Variants in LRPAP1 observed in about 807,000 individuals in gnomAD.
The protein encoded by LRPAP1 is LDL receptor related protein associated protein 1, also known as alpha-2-macroglobulin receptor-associated protein.
Under a neutral mutation model 39.9 loss-of-function variants are expected in LRPAP1, and 41 were observed. That is an observed-to-expected ratio of 1.03 (90% CI 0.80 to 1.33). The LOEUF (loss-of-function observed/expected upper bound fraction) is 1.33, where lower values mean the gene tolerates loss of function less well. Ranked by LOEUF, LRPAP1 falls within the 40% of genes most tolerant of loss-of-function variation. The pLI is 0.00. For synonymous variants in LRPAP1, 263 were observed against 212.7 expected, an observed-to-expected ratio of 1.24 and a Z score of -2.06; for missense variants, 565 against 482.3, an observed-to-expected ratio of 1.17 and a Z score of -1.61.
chr4:3,530,396 T>C (rs1730212771), intron 1 of LRPAP1, among the ~76,000 whole-genome samples: 1 of 152,192 alleles, frequency 6.6e-6, no homozygotes, highest in Non-Finnish European at 1.5e-5. Context: ...CCAGGCTCTC[T>C]GGAATGGGGG....
At chr4:3,529,231 G>A (rs1472667931) in intron 1 of LRPAP1, among the ~76,000 whole-genome samples, 1 of 152,080 alleles carries the variant, frequency 6.6e-6, no homozygotes, top group Admixed American at 6.5e-5. Flanking sequence ...GCTGAGGCAC[G>A]AGAATCGCTT....
Position 3,514,916 on chromosome 4 carries a change from G to T in LRPAP1, c.847C>A (p.His283Asn). The T allele has an allele frequency of 6.2e-7, 1 of 1,613,688 alleles. No homozygotes were observed. Among genetic ancestry groups the T allele is most frequent in the Non-Finnish European group, 8.5e-7 (1 of 1,179,842 alleles). Residue 283 changes from histidine (H) to asparagine (N), a missense_variant, in exon 7 of 8, where the codon CAC becomes AAC. Physicochemically the swap from His to Asn is moderately conservative, Grantham distance 68 (BLOSUM62 1). Coordinates refer to ENST00000650182, the MANE Select transcript of LRPAP1 (RefSeq NM_002337.4). Reference protein sequence around the residue: ...ELEAFREELKHFEAKIEKHNH... With the variant: ...ELEAFREELKNFEAKIEKHNH... ...TGCTTCTCGATTTTGGCTTCGAAGT[G>T]CTTGAGCTCCTCCTGGAACAAGGTT...
In LRPAP1 at chr4:3,507,477, T is replaced by C. The variant is rs1025166735; in HGVS notation, c.*5497A>G. 18 of 80,536 alleles carry C rather than the reference T, an allele frequency of 2.2e-4. No homozygotes were observed. The highest frequency in any genetic ancestry group is 6.9e-4 in the African/African-American group (17 of 24,678). 5.0% of individuals were successfully genotyped at this position (80,536 alleles called of 1,614,324 possible). A position where few individuals can be genotyped will look rare whatever the true frequency, so the allele number is the denominator to read the frequency against. On this transcript the variant is annotated 3_prime_UTR_variant, in exon 8 of 8. Transcript: ENST00000650182. ...TTGTATTATTTACCTACATATCATA[T>C]ATTTATACATTATCATCTGCGAATT... is the stretch of plus-strand genomic sequence containing the variant.
At chr4:3,522,327 C>T (rs1378079097) in intron 2 of LRPAP1, among the ~76,000 whole-genome samples, 1 of 152,262 alleles carries the variant, frequency 6.6e-6, no homozygotes, top group Non-Finnish European at 1.5e-5. Flanking sequence ...CTGGTCAGAC[C>T]CCATCAAAAG....
rs1025135513 is a variant in LRPAP1 at position 3,507,260 on chromosome 4, T to C, written c.*5714A>G. On this transcript the variant is annotated 3_prime_UTR_variant, in exon 8 of 8. Coordinates refer to ENST00000650182, the MANE Select transcript of LRPAP1 (RefSeq NM_002337.4). The stretch of plus-strand genomic sequence containing the variant: ...GATTTCCAAGACCCAGTTTTTTAAA[T>C]AGGCAAAAGAATTAAGTAGGCCCTT... 84 of 152,168 alleles carry C rather than the reference T, an allele frequency of 5.5e-4. No homozygotes were observed. Among genetic ancestry groups the C allele is most frequent in the African/African-American group, 1.9e-3 (78 of 41,514 alleles). The allele number at this position is 152,168 out of a possible 1,614,324, so 9.4% of individuals were successfully genotyped here. A position where few individuals can be genotyped will look rare whatever the true frequency, so the allele number is the denominator to read the frequency against.
At chr4:3,515,759 G>A (rs1729672233) in intron 6 of LRPAP1, 1 of 285,718 alleles carries the variant, frequency 3.5e-6, no homozygotes, top group Non-Finnish European at 6.7e-6. Flanking sequence ...ATCTCAGGAA[G>A]TGGTGACACC....
At chr4:3,517,387 G>A (rs1729744999) in intron 5 of LRPAP1, among the ~76,000 whole-genome samples, 1 of 152,264 alleles carries the variant, frequency 6.6e-6, no homozygotes, top group South Asian at 2.1e-4. Flanking sequence ...GGCGGCTGCT[G>A]TCTCCTCGAG....
rs779268666 is a variant in LRPAP1, at chr4:3,513,027, GCTT to G, written c.1018_1020del (p.Lys340del). Reference sequence around the variant, plus strand: ...ATCCTGCCGGACAGGTCCTGCAGATGCTTCTTCACCTGTGGACAGAAACGTCTC... The same window carrying G: ...ATCCTGCCGGACAGGTCCTGCAGATGCTTCACCTGTGGACAGAAACGTCTC... On this transcript the variant is annotated inframe_deletion, in exon 8 of 8. Transcript: ENST00000650182. 2.5e-6 allele frequency: 4 copies of G among 1,612,196 alleles called. No homozygotes were observed. The South Asian group carries it at 4.4e-5, about 18-fold the overall frequency.
At chr4:3,518,848 GA>G in intron 4 of LRPAP1, 22 bp downstream of exon 4, 12 of 1,498,028 alleles carry the variant, frequency 8.0e-6, no homozygotes, top group Non-Finnish European at 1.1e-5. Flanking sequence ...CAGAGGGCAG[GA>G]GGGGGTGGGG....
Position 3,504,814 on chromosome 4 carries a change from G to T in LRPAP1, c.*8160C>A, listed in dbSNP as rs545302235. ...ACAGAAAAATTAGCTGGGTATGGTG[G>T]CAGGTGCCCATAATCCCAGCTACTT... On this transcript the variant is annotated 3_prime_UTR_variant, in exon 8 of 8. Coordinates refer to ENST00000650182, the MANE Select transcript of LRPAP1 (RefSeq NM_002337.4). 3.2e-4 allele frequency among the ~76,000 whole-genome samples: 48 copies of T among 151,992 alleles called. No homozygotes were observed. The highest frequency in any genetic ancestry group is 1.1e-3 in the African/African-American group (47 of 41,446).
chr4:3,508,231 CCT>C lies in LRPAP1; in HGVS notation c.*4741_*4742del, dbSNP rs1729407070. On this transcript the variant is annotated 3_prime_UTR_variant, in exon 8 of 8. Coordinates refer to ENST00000650182, the MANE Select transcript of LRPAP1 (RefSeq NM_002337.4). Reference sequence around the variant, plus strand: ...ATGTTGACTAGGTTGGTCTCAAACTCCTGACCTCAGGTGATCCATCCACGTTG... The same window carrying C: ...ATGTTGACTAGGTTGGTCTCAAACTCGACCTCAGGTGATCCATCCACGTTG... 1 of 152,168 alleles carries C rather than the reference CCT, an allele frequency of 6.6e-6. No individual in the cohort carries two copies. The highest frequency in any genetic ancestry group is 2.4e-5 in the African/African-American group (1 of 41,420). 9.4% of individuals were successfully genotyped at this position (152,168 alleles called of 1,614,324 possible).
rs1076901 is a variant in LRPAP1, at chr4:3,518,794, C to A, written c.592+77G>T. 176 of 1,020,998 alleles carry A rather than the reference C, an allele frequency of 1.7e-4. 1 individual carries two copies. In the African/African-American group the frequency reaches 2.6e-3, roughly 15 times the overall value. 63.2% of individuals were successfully genotyped at this position (1,020,998 alleles called of 1,614,324 possible). Reference sequence around the variant, plus strand: ...AGCTGAGGCTGCCCACTGAGCACAACGAGCCTCAGGTGCAGGAGGGGTGGG... The same window carrying A: ...AGCTGAGGCTGCCCACTGAGCACAAAGAGCCTCAGGTGCAGGAGGGGTGGG... On this transcript the variant is annotated intron_variant, in intron 4 of 7. Coordinates refer to ENST00000650182, the MANE Select transcript of LRPAP1 (RefSeq NM_002337.4).
intron 1 of LRPAP1, among the ~76,000 whole-genome samples, chr4:3,531,191 GAGC>G (rs2108700044): frequency 6.6e-6 from 1 of 152,198 alleles, no homozygotes; most frequent in South Asian, 2.1e-4. Flanking sequence ...CTGGTCCCAG[GAGC>G]AGTTCAGGAA....
Position 3,518,943 on chromosome 4 carries a change from G to C in LRPAP1, c.520C>G (p.Arg174Gly), listed in dbSNP as rs1355851888. ...FSGEELDKLW[R>G]EFLHHKEKVH... ...TTCTCTTTGTGATGCAGGAACTCCC[G>C]CCAGAGCTTGTCCAGTTCTTCGCCG... The change falls in exon 4 of 8, where the codon CGG becomes GGG. Residue 174 changes from arginine (R) to glycine (G), a missense_variant. By Grantham distance (125) the Arg-to-Gly change is moderately radical (BLOSUM62 -2). Transcript: ENST00000650182. The C allele has an allele frequency of 6.2e-6, 10 of 1,614,036 alleles. No homozygotes were observed. Among genetic ancestry groups the C allele is most frequent in the Non-Finnish European group, 8.5e-6 (10 of 1,179,986 alleles).
At chr4:3,516,035 G>A in intron 6 of LRPAP1, 81 bp downstream of exon 6, 1 of 1,304,996 alleles carries the variant, frequency 7.7e-7, no homozygotes, top group Non-Finnish European at 1.1e-6. Flanking sequence ...TGGAGGAGAG[G>A]GCTGCATTTC....
chr4:3,515,966 G>GC, intron 6 of LRPAP1, 150 bp downstream of exon 6: 1 of 743,408 alleles, frequency 1.3e-6, no homozygotes. Context: ...GAAGGAAAAC[G>GC]CAAGCAGGTT....
rs1729516142 is a variant in LRPAP1, at chr4:3,511,601, G to A, written c.*1373C>T. 6.6e-6 allele frequency: 1 copy of A among 152,306 alleles called. No individual in the cohort carries two copies. The highest frequency in any genetic ancestry group is 1.5e-5 in the Non-Finnish European group (1 of 68,100). The allele number at this position is 152,306 out of a possible 1,614,324, so 9.4% of individuals were successfully genotyped here. ...GCCAACTCCCGACATGCTGCCTCTA[G>A]CCTTGACCTTTCTCAGAAATGATAG... is the stretch of plus-strand genomic sequence containing the variant. On this transcript the variant is annotated 3_prime_UTR_variant, in exon 8 of 8. Coordinates refer to ENST00000650182, the MANE Select transcript of LRPAP1 (RefSeq NM_002337.4).
In LRPAP1 at chr4:3,520,280, G is replaced by C. The variant is rs1577207466; in HGVS notation, c.350-87C>G. 11 of 1,438,808 alleles carry C rather than the reference G, an allele frequency of 7.6e-6. No homozygotes were observed. The East Asian group carries it at 2.3e-4, about 30-fold the overall frequency. 89.1% of individuals were successfully genotyped at this position (1,438,808 alleles called of 1,614,324 possible). On this transcript the variant is annotated intron_variant, in intron 2 of 7. Transcript: ENST00000650182. ...ACATCTGGGTTGCCACGGTGGGTGA[G>C]ACAGGTTTGCCTCTCATTTTCCAGT...
At chr4:3,532,101 G>T in intron 1 of LRPAP1, 108 bp downstream of exon 1, 1 of 1,260,186 alleles carries the variant, frequency 7.9e-7, no homozygotes, top group Non-Finnish European at 1.1e-6. Context: ...GGGCACAGGT[G>T]CCCCGGCTGC....
Sources: gnomAD v4.1 joint callset for allele counts (sites outside exome capture counted in the v4.1 genomes callset) on GRCh38, gnomAD v4.1.1 for gene constraint, MANE v1.5 for transcripts, NCBI Gene and HGNC (gene_info 2026-07-23, HGNC 2026-07-21) for gene names.